The following ARHGAP25 variants were observed in gnomAD, a reference collection of about 807,000 sequenced individuals.
The protein encoded by ARHGAP25 is rho GTPase-activating protein 25.
Under a neutral mutation model 71.0 loss-of-function variants are expected in ARHGAP25, and 34 were observed. The ratio of observed to expected loss-of-function variants is 0.48; its 90% confidence interval spans 0.36 to 0.64. The LOEUF (loss-of-function observed/expected upper bound fraction) is 0.64, where lower values mean the gene tolerates loss of function less well. ARHGAP25 is among the 30% of genes least tolerant of loss of function. ARHGAP25 has a pLI of 0.00. For synonymous variants in ARHGAP25, 282 were observed against 296.5 expected (o/e 0.95, Z 0.50); for missense variants, 706 against 805.1 (o/e 0.88, Z 1.49).
chr2:68,767,572 G>T lies in ARHGAP25; in HGVS notation c.62-7649G>T, dbSNP rs988777921. Among the ~76,000 whole-genome samples the T allele has an allele frequency of 3.2e-4, 48 of 152,146 alleles. No homozygotes were observed. The highest frequency in any genetic ancestry group is 1.1e-3 in the African/African-American group (46 of 41,412). On this transcript the variant is annotated intron_variant, in intron 1 of 10. Transcript: ENST00000409202. This position sits in a 1 kb window ranked among gnomAD's most constrained non-coding sequence, Gnocchi z 4.6. ...CCTTCCTCAGCTGTGGTGTGGGCCTGACTGCCGGCCCACGGTAGCTTAGCT... is the reference window on the plus strand; with the variant it reads ...CCTTCCTCAGCTGTGGTGTGGGCCTTACTGCCGGCCCACGGTAGCTTAGCT...
chr2:68,814,674 C>T (rs1681072370), intron 6 of ARHGAP25, among the ~76,000 whole-genome samples: 1 of 152,108 alleles, frequency 6.6e-6, no homozygotes, highest in Non-Finnish European at 1.5e-5. Flanking sequence ...GCACCCTAGC[C>T]CTGCAAGAAA....
At chr2:68,714,733 C>T (rs958432509) in intron 2 of ARHGAP25, among the ~76,000 whole-genome samples, 9 of 152,190 alleles carry the variant, frequency 5.9e-5, no homozygotes, top group East Asian at 1.9e-4. Context: ...GCCTTAATTT[C>T]GTTATTTACC....
At position 68,775,312 on chromosome 2, in the gene ARHGAP25, C is replaced by T; in HGVS notation, c.153C>T (p.Gly51=). ...CGCTGGAGAGGCCCATCAAGATGGGCTGGCTGAAGAAGCAGAGGTCCATCG... is the reference window on the plus strand; with the variant it reads ...CGCTGGAGAGGCCCATCAAGATGGGTTGGCTGAAGAAGCAGAGGTCCATCG... ...PNPLERPIKM[G]WLKKQRSIVK... The change falls in exon 2 of 11, where the codon GGC becomes GGT. Residue 51 remains glycine, a synonymous_variant. Coordinates refer to ENST00000409202, the MANE Select transcript of ARHGAP25 (RefSeq NM_001007231.3). The T allele has an allele frequency of 1.2e-6, 2 of 1,614,236 alleles. No individual in the cohort carries two copies. The highest frequency in any genetic ancestry group is 1.7e-6 in the Non-Finnish European group (2 of 1,180,044).
At position 68,800,435 on chromosome 2, in the gene ARHGAP25, G is replaced by A. The variant is rs1679883234; in HGVS notation, c.467-6838G>A. On this transcript the variant is annotated intron_variant, in intron 4 of 10. Transcript: ENST00000409202. ...GGAGATGGATTGTGGGGAGAGCTAG[G>A]GCAGTTACTAGTGTGGTAGTGAGGC... Among the ~76,000 whole-genome samples, 4 of 152,076 alleles carry A rather than the reference G, an allele frequency of 2.6e-5. No individual in the cohort carries two copies. The South Asian group carries it at 8.3e-4, about 32-fold the overall frequency.
intron 1 of ARHGAP25, among the ~76,000 whole-genome samples, chr2:68,739,014 C>T (rs77160976): frequency 0.012 from 1,886 of 152,274 alleles, 38 homozygotes; most frequent in African/African-American, 0.043. Context: ...ATTCTCTCCA[C>T]GAAGTGCATG....
chr2:68,745,017 A>C (rs1203054814), intron 1 of ARHGAP25, among the ~76,000 whole-genome samples: 1 of 152,218 alleles, frequency 6.6e-6, no homozygotes, highest in Non-Finnish European at 1.5e-5. Context: ...AGGACACTTG[A>C]CTTAACTACG....
intron 10 of ARHGAP25, among the ~76,000 whole-genome samples, chr2:68,824,579 A>G (rs1330811339): frequency 6.6e-6 from 1 of 152,156 alleles, no homozygotes; most frequent in Non-Finnish European, 1.5e-5. Flanking sequence ...TGTCTCTCCT[A>G]AAAATATAAA....
At chr2:68,753,085 G>GC (rs1357228988) in intron 1 of ARHGAP25, among the ~76,000 whole-genome samples, 1 of 151,590 alleles carries the variant, frequency 6.6e-6, no homozygotes, top group Non-Finnish European at 1.5e-5. Flanking sequence ...GGATGGGGGG[G>GC]GTGATAAAAC....
At chr2:68,743,631 TA>T (rs1320172632) in intron 1 of ARHGAP25, among the ~76,000 whole-genome samples, 7 of 152,062 alleles carry the variant, frequency 4.6e-5, no homozygotes, top group Non-Finnish European at 4.4e-5. Flanking sequence ...CATCTCAGAG[TA>T]AAAATGATAG....
At chr2:68,790,326 A>T (rs183358569) in intron 4 of ARHGAP25, among the ~76,000 whole-genome samples, 1 of 152,284 alleles carries the variant, frequency 6.6e-6, no homozygotes, top group East Asian at 1.9e-4. Context: ...TAGATCCCGG[A>T]ATGTGAGGGC....
At chr2:68,772,462 C>G (rs1216851906) in intron 1 of ARHGAP25, among the ~76,000 whole-genome samples, 2 of 152,236 alleles carry the variant, frequency 1.3e-5, no homozygotes, top group Admixed American at 6.5e-5. Flanking sequence ...AAAGCCACAC[C>G]GGGATAGACT....
chr2:68,826,236 A>G lies in ARHGAP25; in HGVS notation c.*42A>G, dbSNP rs766242623. ...GCAGGGACAGCCCCAGAGAGGCCCA[A>G]CTCTGGCCCCTTTCTCAGTGCTATC... On this transcript the variant is annotated 3_prime_UTR_variant, in exon 11 of 11. Coordinates refer to ENST00000409202, the MANE Select transcript of ARHGAP25 (RefSeq NM_001007231.3). The G allele has an allele frequency of 1.1e-5, 17 of 1,561,168 alleles. No homozygotes were observed. The highest frequency in any genetic ancestry group is 8.1e-5 in the African/African-American group (6 of 73,712).
At chr2:68,748,099 C>T (rs1675943084) in intron 1 of ARHGAP25, among the ~76,000 whole-genome samples, 1 of 152,138 alleles carries the variant, frequency 6.6e-6, no homozygotes, top group African/African-American at 2.4e-5. Flanking sequence ...TGGGATCAGG[C>T]CCCTTCCCCT....
rs891181669 is a variant in ARHGAP25, at chr2:68,826,702, A to C, written c.*508A>C. Reference sequence around the variant, plus strand: ...AGCGAGAACCCCATTCTGCCACCCCACCAGGATGCCCATTCTCCAGGACTT... The same window carrying C: ...AGCGAGAACCCCATTCTGCCACCCCCCCAGGATGCCCATTCTCCAGGACTT... On this transcript the variant is annotated 3_prime_UTR_variant, in exon 11 of 11. Coordinates refer to ENST00000409202, the MANE Select transcript of ARHGAP25 (RefSeq NM_001007231.3). 5.1e-6 allele frequency: 1 copy of C among 194,364 alleles called. No individual in the cohort carries two copies. Among genetic ancestry groups the C allele is most frequent in the Non-Finnish European group, 1.1e-5 (1 of 92,076 alleles). 12.0% of individuals were successfully genotyped at this position (194,364 alleles called of 1,614,324 possible).
intron 3 of ARHGAP25, among the ~76,000 whole-genome samples, chr2:68,785,346 T>A (rs916172992): frequency 5.3e-5 from 8 of 152,154 alleles, no homozygotes; most frequent in Non-Finnish European, 7.3e-5. Context: ...TTTGCAAGAA[T>A]CCAAGTCAGA....
chr2:68,730,937 AT>A (rs1192273123), upstream of ARHGAP25, among the ~76,000 whole-genome samples: 1 of 152,072 alleles, frequency 6.6e-6, no homozygotes, highest in African/African-American at 2.4e-5. Flanking sequence ...AGAGGGAACC[AT>A]TTCCTGCTCC....
chr2:68,821,212 G>C (rs1406024179), intron 9 of ARHGAP25, among the ~76,000 whole-genome samples: 1 of 148,468 alleles, frequency 6.7e-6, no homozygotes, highest in African/African-American at 2.5e-5. Context: ...CTTCGGCCTC[G>C]GCCTCCCAAG....
chr2:68,807,322 C>CATA lies in ARHGAP25; in HGVS notation c.516_517insATA (p.Phe172_Gly173insIle), dbSNP rs1558652326. ...AGACTGTGGCCTATGAACAGAAATTCGGCCCCCATCTGGTGCCCATCCTGG... is the reference window on the plus strand; with the variant it reads ...AGACTGTGGCCTATGAACAGAAATTCATAGGCCCCCATCTGGTGCCCATCCTGG... On this transcript the variant is annotated inframe_insertion, in exon 5 of 11. Transcript: ENST00000409202. 2 of 1,614,238 alleles carry CATA rather than the reference C, an allele frequency of 1.2e-6. No homozygotes were observed. Among genetic ancestry groups the CATA allele is most frequent in the Non-Finnish European group, 1.7e-6 (2 of 1,180,044 alleles).
At chr2:68,771,989 C>T (rs1233384230) in intron 1 of ARHGAP25, among the ~76,000 whole-genome samples, 1 of 152,234 alleles carries the variant, frequency 6.6e-6, no homozygotes, top group Non-Finnish European at 1.5e-5. Flanking sequence ...GATCCTCGCA[C>T]TTACTCCTGC....
Sources: allele counts gnomAD v4.1 joint callset (sites outside exome capture counted in the v4.1 genomes callset), GRCh38; gene constraint gnomAD v4.1.1; non-coding constraint Gnocchi (gnomAD v3.1); transcripts MANE v1.5; gene names NCBI Gene and HGNC (gene_info 2026-07-23, HGNC 2026-07-21).